Variants in PALM2AKAP2 observed in about 807,000 individuals in gnomAD.
PALM2AKAP2 encodes the protein PALM2 and AKAP2 fusion.
A neutral mutation model predicts 71.5 loss-of-function variants in PALM2AKAP2; 37 were observed. That is an observed-to-expected ratio of 0.52 (90% CI 0.40 to 0.68). The LOEUF (loss-of-function observed/expected upper bound fraction) is 0.68. PALM2AKAP2 is among the 30% of genes least tolerant of loss of function. PALM2AKAP2 has a pLI of 0.00. For missense variants in PALM2AKAP2, 1,224 were observed against 1,191.8 expected (o/e 1.03, Z -0.40); for synonymous variants, 468 against 478.8 (o/e 0.98, Z 0.29).
chr9:109,664,043 A>G (rs1225106400), intron 1 of PALM2AKAP2, among the ~76,000 whole-genome samples: 3 of 152,042 alleles, frequency 2.0e-5, no homozygotes, highest in African/African-American at 4.8e-5. Context: ...TTTGCTTGGT[A>G]GATCTTCCTC....
intron 1 of PALM2AKAP2, among the ~76,000 whole-genome samples, chr9:109,656,338 C>T (rs1335778396): frequency 6.6e-6 from 1 of 152,154 alleles, no homozygotes; most frequent in African/African-American, 2.4e-5. Flanking sequence ...GTCCAGGTGT[C>T]ACAAGGCTCA....
intron 1 of PALM2AKAP2, among the ~76,000 whole-genome samples, chr9:109,719,167 C>T (rs945752993): frequency 6.6e-6 from 1 of 152,148 alleles, no homozygotes; most frequent in Non-Finnish European, 1.5e-5. Flanking sequence ...AACAATAAAA[C>T]TCTGTTAGTT....
exon 4 of PALM2AKAP2, chr9:110,168,604 T>G: frequency 7.6e-7 from 1 of 1,317,668 alleles, no homozygotes; most frequent in South Asian, 1.4e-5. Context: ...GCAAACAAAC[T>G]CAGCAATCCT....
intron 2 of PALM2AKAP2, among the ~76,000 whole-genome samples, chr9:110,153,693 C>CG (rs1836378424): frequency 6.6e-6 from 1 of 152,234 alleles, no homozygotes; most frequent in South Asian, 2.1e-4. Flanking sequence ...AATGATCAGA[C>CG]AGGCAAGGCT....
At chr9:110,143,020 C>T (rs769162559) in intron 2 of PALM2AKAP2, among the ~76,000 whole-genome samples, 2 of 152,142 alleles carry the variant, frequency 1.3e-5, no homozygotes, top group Non-Finnish European at 2.9e-5. Flanking sequence ...TGAGCACTTC[C>T]GAAGGCAGGC....
intron 1 of PALM2AKAP2, among the ~76,000 whole-genome samples, chr9:109,659,590 A>G (rs1052945514): frequency 1.1e-4 from 17 of 152,204 alleles, no homozygotes; most frequent in Non-Finnish European, 1.8e-4. Flanking sequence ...GTATATTATC[A>G]GTATTCCAGG....
At chr9:109,875,416 C>T (rs1300442264) in intron 2 of PALM2AKAP2, among the ~76,000 whole-genome samples, 2 of 152,164 alleles carry the variant, frequency 1.3e-5, no homozygotes, top group African/African-American at 2.4e-5. Flanking sequence ...TAGGGACTTG[C>T]CTGTCTTCCT....
At chr9:109,662,672 G>A (rs554689805) in intron 1 of PALM2AKAP2, among the ~76,000 whole-genome samples, 176 of 152,272 alleles carry the variant, frequency 1.2e-3, no homozygotes, top group African/African-American at 4.0e-3. Flanking sequence ...TCAGGATGAT[G>A]TTGGCCTCAT....
At chr9:109,733,683 C>T (rs1198856469) in intron 1 of PALM2AKAP2, among the ~76,000 whole-genome samples, 1 of 152,206 alleles carries the variant, frequency 6.6e-6, no homozygotes, top group African/African-American at 2.4e-5. Context: ...GGAACTCTCT[C>T]TAAATGTAAT....
At chr9:110,085,463 T>G (rs1834548197) in intron 1 of PALM2AKAP2, among the ~76,000 whole-genome samples, 1 of 148,110 alleles carries the variant, frequency 6.8e-6, no homozygotes, top group African/African-American at 2.4e-5. Flanking sequence ...ACAGGTGGAT[T>G]TCTTGATGTA....
At chr9:109,982,466 G>A (rs888505220) in intron 6 of PALM2AKAP2, among the ~76,000 whole-genome samples, 1 of 152,320 alleles carries the variant, frequency 6.6e-6, no homozygotes, top group African/African-American at 2.4e-5. Flanking sequence ...TAATTGGATT[G>A]TTTGTAACAC....
chr9:109,904,526 T>C (rs1830401815), intron 3 of PALM2AKAP2, among the ~76,000 whole-genome samples: 1 of 152,206 alleles, frequency 6.6e-6, no homozygotes, highest in Admixed American at 6.5e-5. Flanking sequence ...CATACCGAGA[T>C]GCCTGTACTA....
At chr9:109,895,834 A>G (rs1204160223) in intron 3 of PALM2AKAP2, among the ~76,000 whole-genome samples, 1 of 152,168 alleles carries the variant, frequency 6.6e-6, no homozygotes, top group Non-Finnish European at 1.5e-5. Flanking sequence ...CAATCATGGC[A>G]GAAGGGGAAG....
chr9:109,837,998 G>C (rs1828528909), intron 1 of PALM2AKAP2, among the ~76,000 whole-genome samples: 1 of 152,086 alleles, frequency 6.6e-6, no homozygotes, highest in South Asian at 2.1e-4. Flanking sequence ...GGATATCCAG[G>C]ACTTGAACTC....
intron 1 of PALM2AKAP2, among the ~76,000 whole-genome samples, chr9:109,655,261 T>G (rs1013549583): frequency 7.2e-6 from 1 of 139,148 alleles, no homozygotes; most frequent in Non-Finnish European, 1.5e-5. Flanking sequence ...GATCGGCCAC[T>G]GCACTCCAGG....
chr9:109,896,027 T>C (rs561329407), intron 3 of PALM2AKAP2, among the ~76,000 whole-genome samples: 1 of 151,934 alleles, frequency 6.6e-6, no homozygotes, highest in Admixed American at 6.6e-5. Context: ...CTACTAAAAA[T>C]ACAAAAAATT....
At chr9:110,032,076 A>AG (rs1259647392) in intron 7 of PALM2AKAP2, among the ~76,000 whole-genome samples, 1 of 151,840 alleles carries the variant, frequency 6.6e-6, no homozygotes, top group Non-Finnish European at 1.5e-5. Flanking sequence ...AAAAAAAAAA[A>AG]AAAAGTAGAG....
At chr9:109,918,198 A>C (rs1163961535) in intron 3 of PALM2AKAP2, among the ~76,000 whole-genome samples, 2 of 152,222 alleles carry the variant, frequency 1.3e-5, no homozygotes, top group Non-Finnish European at 2.9e-5. Context: ...ATAGTGCCTG[A>C]TACAGAGAAG....
At chr9:110,126,566 A>G (rs1835609627) in intron 1 of PALM2AKAP2, among the ~76,000 whole-genome samples, 1 of 152,200 alleles carries the variant, frequency 6.6e-6, no homozygotes, top group South Asian at 2.1e-4. Flanking sequence ...GCTCCTTGAT[A>G]GGGCGCTCAG....
Sources: gnomAD v4.1 joint callset for allele counts (sites outside exome capture counted in the v4.1 genomes callset) on GRCh38, gnomAD v4.1.1 for gene constraint, MANE v1.5 for transcripts, NCBI Gene and HGNC (gene_info 2026-07-23, HGNC 2026-07-21) for gene names.